The following POMP variants were observed in gnomAD, a reference collection of about 807,000 sequenced individuals.
The protein encoded by POMP is proteasome maturation protein, also known as 2510048O06Rik.
In POMP, 12 loss-of-function variants were observed where a neutral mutation model predicts 20.6. The ratio of observed to expected loss-of-function variants is 0.58; its 90% CI spans 0.37 to 0.94. The LOEUF is 0.94. Among genes scored for constraint, POMP ranks in the 40% least tolerant of loss-of-function variants. The probability of loss-of-function intolerance (pLI) is 0.01; values close to 1 mark genes in which losing one functional copy is unlikely to be tolerated. For synonymous variants in POMP, 53 were observed against 55.0 expected, an observed-to-expected ratio of 0.96 and a Z score of 0.16; for missense variants, 136 against 161.1, an observed-to-expected ratio of 0.84 and a Z score of 0.84.
At chr13:28,667,219 GTTA>G (rs1445184632) in intron 3 of POMP, among the ~76,000 whole-genome samples, 2 of 152,176 alleles carry the variant, frequency 1.3e-5, no homozygotes, top group African/African-American at 2.4e-5. Context: ...CATAAATTGA[GTTA>G]TTATACATAA....
chr13:28,671,863 T>A (rs1010908682), intron 4 of POMP, among the ~76,000 whole-genome samples: 8 of 152,166 alleles, frequency 5.3e-5, no homozygotes, highest in African/African-American at 1.9e-4. Flanking sequence ...TCTGTGGGAA[T>A]ATCAAAAATT....
Position 28,668,500 on chromosome 13 carries a change from T to A in POMP, c.190T>A (p.Phe64Ile). 6.2e-7 allele frequency: 1 copy of A among 1,611,592 alleles called. No individual in the cohort carries two copies. The highest frequency in any genetic ancestry group is 8.5e-7 in the Non-Finnish European group (1 of 1,177,760). The change falls in exon 4 of 6, where the codon TTT (phenylalanine) becomes ATT (isoleucine). Residue 64 changes from phenylalanine to isoleucine, a missense_variant. Phe to Ile is a conservative substitution (Grantham distance 21, BLOSUM62 0). Coordinates refer to ENST00000380842, the MANE Select transcript of POMP (RefSeq NM_015932.6). ...CCAGCTCAACCAAGATAAAATGAAT[T>A]TTTCCACACTGAGAAACATTCAGGG... Reference protein sequence around the residue: ...NFQLNQDKMNFSTLRNIQGLF... With the variant: ...NFQLNQDKMNISTLRNIQGLF...
At chr13:28,669,152 T>TA (rs1428542153) in intron 4 of POMP, among the ~76,000 whole-genome samples, 1 of 152,132 alleles carries the variant, frequency 6.6e-6, no homozygotes, top group Non-Finnish European at 1.5e-5. Context: ...TATAGTAACT[T>TA]GTCTCTCATT....
chr13:28,667,516 A>G (rs762658920), intron 3 of POMP, among the ~76,000 whole-genome samples: 15 of 152,224 alleles, frequency 9.9e-5, no homozygotes, highest in Non-Finnish European at 2.1e-4. Flanking sequence ...CCATCTGTCA[A>G]AATTTGCTGT....
In POMP at chr13:28,662,451, A is replaced by C. The variant is rs1367994095; in HGVS notation, c.45A>C (p.Pro15=). 6.2e-7 allele frequency: 1 copy of C among 1,613,906 alleles called. No homozygotes were observed. Among genetic ancestry groups the C allele is most frequent in the Admixed American group, 1.7e-5 (1 of 60,002 alleles). Residue 15 remains proline (P), a synonymous_variant, in exon 2 of 6, where the codon CCA becomes CCC. Transcript: ENST00000380842. ...GLGSELKDSI[P]VTELSASGPF... is the part of the protein sequence containing the mutation. ...GATCTGAGCTAAAGGACAGTATTCC[A>C]GTTACTGAACTTTCAGCAAGTGGAC... is the stretch of plus-strand genomic sequence containing the variant.
At chr13:28,661,344 T>C (rs1055160808) in intron 1 of POMP, among the ~76,000 whole-genome samples, 3 of 152,114 alleles carry the variant, frequency 2.0e-5, no homozygotes, top group Non-Finnish European at 2.9e-5. Flanking sequence ...TGCACGCCTG[T>C]AGTCCCAGCT....
chr13:28,662,412 T>C lies in POMP; in HGVS notation c.6T>C (p.Asn2=). 6.2e-7 allele frequency: 1 copy of C among 1,610,738 alleles called. No homozygotes were observed. The highest frequency in any genetic ancestry group is 8.5e-7 in the Non-Finnish European group (1 of 1,176,972). The part of the protein sequence containing the change: M[N]ARGLGSELKD... ...AATGTTTTTTATTTGTGTTGTAGAA[T>C]GCCAGAGGACTTGGATCTGAGCTAA... is the stretch of plus-strand genomic sequence containing the variant. The change falls in exon 2 of 6, where the codon AAT becomes AAC. Residue 2 remains asparagine, a splice_region_variant and synonymous_variant. Transcript: ENST00000380842.
At chr13:28,668,644 C>A in intron 4 of POMP, 70 bp downstream of exon 4, 1 of 1,169,250 alleles carries the variant, frequency 8.6e-7, no homozygotes, top group Non-Finnish European at 1.3e-6. Flanking sequence ...TTCATAACAG[C>A]TATTTATACC....
intron 5 of POMP, among the ~76,000 whole-genome samples, chr13:28,676,226 G>A (rs1037309283): frequency 2.0e-4 from 30 of 152,068 alleles, no homozygotes; most frequent in Admixed American, 1.8e-3. Flanking sequence ...GGATGGTCTC[G>A]ATCTCCTGAC....
At chr13:28,672,573 T>G in intron 5 of POMP, 141 bp downstream of exon 5, 1 of 729,432 alleles carries the variant, frequency 1.4e-6, no homozygotes, top group Non-Finnish European at 2.5e-6. Flanking sequence ...AGATAAAGTT[T>G]AATGGTAGTA....
At position 28,662,508 on chromosome 13, in the gene POMP, GTA is replaced by G; in HGVS notation, c.101+5_101+6del. ...AAAGTCATGATCTTCTTCGGAAAGGGTATATGGGGGAGTTATGACTTTGATTT... is the reference window on the plus strand; with the variant it reads ...AAAGTCATGATCTTCTTCGGAAAGGGTATGGGGGAGTTATGACTTTGATTT... On this transcript the variant is annotated splice_donor_variant and splice_donor_region_variant and intron_variant, in intron 2 of 5. Transcript: ENST00000380842. LOFTEE classifies it high-confidence loss of function. 1 of 1,601,012 alleles carries G rather than the reference GTA, an allele frequency of 6.2e-7. No homozygotes were observed. Among genetic ancestry groups the G allele is most frequent in the Non-Finnish European group, 8.6e-7 (1 of 1,168,082 alleles).
Position 28,678,174 on chromosome 13 carries a change from A to G in POMP, c.*72A>G, listed in dbSNP as rs1428299911. The G allele has an allele frequency of 4.1e-5, 58 of 1,424,908 alleles. No homozygotes were observed. The highest frequency in any genetic ancestry group is 5.5e-5 in the Non-Finnish European group (55 of 1,008,956). The allele number at this position is 1,424,908 out of a possible 1,614,324, so 88.3% of individuals were successfully genotyped here. On this transcript the variant is annotated 3_prime_UTR_variant, in exon 6 of 6. Coordinates refer to ENST00000380842, the MANE Select transcript of POMP (RefSeq NM_015932.6). ...ATCTTTGTACTGTAATTTGATGTAC[A>G]CAACATTAAAAGTACTGACACCTGA...
chr13:28,676,341 A>G (rs1436092612), intron 5 of POMP, among the ~76,000 whole-genome samples: 3 of 152,164 alleles, frequency 2.0e-5, no homozygotes, highest in East Asian at 1.9e-4. Context: ...GGAGGGGACA[A>G]ACATCCAAAC....
rs751416024 is a variant in POMP at position 28,678,261 on chromosome 13, C to T, written c.*159C>T. Reference sequence around the variant, plus strand: ...ATTTGGAGGGGTCTTTGGTTTACAGCCATGTGACAATTAAAAGCACTAAAG... The same window carrying T: ...ATTTGGAGGGGTCTTTGGTTTACAGTCATGTGACAATTAAAAGCACTAAAG... On this transcript the variant is annotated 3_prime_UTR_variant, in exon 6 of 6. Coordinates refer to ENST00000380842, the MANE Select transcript of POMP (RefSeq NM_015932.6). 1.2e-4 allele frequency: 82 copies of T among 705,504 alleles called. No homozygotes were observed. The highest frequency in any genetic ancestry group is 1.4e-4 in the Non-Finnish European group (55 of 394,756). 43.7% of individuals were successfully genotyped at this position (705,504 alleles called of 1,614,324 possible).
At chr13:28,666,523 C>T (rs1884450290) in intron 3 of POMP, among the ~76,000 whole-genome samples, 1 of 139,696 alleles carries the variant, frequency 7.2e-6, no homozygotes, top group Non-Finnish European at 1.5e-5. Context: ...TACTGCATCT[C>T]TTCTTCTTTA....
Position 28,678,189 on chromosome 13 carries a change from C to A in POMP, c.*87C>A. On this transcript the variant is annotated 3_prime_UTR_variant, in exon 6 of 6. Coordinates refer to ENST00000380842, the MANE Select transcript of POMP (RefSeq NM_015932.6). The stretch of plus-strand genomic sequence containing the variant: ...TTTGATGTACACAACATTAAAAGTA[C>A]TGACACCTGAGAATTTCTGCTCAAG... 1 of 1,321,432 alleles carries A rather than the reference C, an allele frequency of 7.6e-7. No individual in the cohort carries two copies. The highest frequency in any genetic ancestry group is 1.1e-6 in the Non-Finnish European group (1 of 917,068). The allele number at this position is 1,321,432 out of a possible 1,614,324, so 81.9% of individuals were successfully genotyped here.
At chr13:28,666,642 C>T (rs149681624) in intron 3 of POMP, among the ~76,000 whole-genome samples, 183 of 152,346 alleles carry the variant, frequency 1.2e-3, no homozygotes, top group African/African-American at 4.3e-3. Flanking sequence ...CCCCACTTTG[C>T]TAAGTAAACT....
At chr13:28,668,363 A>T in intron 3 of POMP, 110 bp from the exon 4 acceptor site, 1 of 762,840 alleles carries the variant, frequency 1.3e-6, no homozygotes, top group Non-Finnish European at 2.3e-6. Flanking sequence ...TATTACAGGT[A>T]TGGATATTAA....
At chr13:28,665,340 A>G (rs1884423528) in intron 3 of POMP, among the ~76,000 whole-genome samples, 1 of 152,206 alleles carries the variant, frequency 6.6e-6, no homozygotes, top group African/African-American at 2.4e-5. Flanking sequence ...TTCGCTTTCT[A>G]ATAAGAGGAT....
Sources: allele counts gnomAD v4.1 joint callset (sites outside exome capture counted in the v4.1 genomes callset), GRCh38; gene constraint gnomAD v4.1.1; transcripts MANE v1.5; gene names NCBI Gene and HGNC (gene_info 2026-07-23, HGNC 2026-07-21).